MB21D2: variants seen among roughly 807,000 people sequenced by gnomAD.
The protein encoded by MB21D2 is nucleotidyltransferase MB21D2.
A neutral mutation model predicts 33.3 loss-of-function variants in MB21D2; 9 were observed. The observed-to-expected ratio is 0.27, with a 90% CI of 0.16 to 0.47. The LOEUF (loss-of-function observed/expected upper bound fraction) is 0.47. Ranked by LOEUF, MB21D2 falls within the 20% of genes least tolerant of loss-of-function variation. MB21D2 has a pLI of 0.99. For missense variants in MB21D2, 540 were observed against 624.6 expected, an observed-to-expected ratio of 0.86 and a Z score of 1.44; for synonymous variants, 241 against 236.3, an observed-to-expected ratio of 1.02 and a Z score of -0.18.
intron 1 of MB21D2, among the ~76,000 whole-genome samples, chr3:192,830,245 T>A (rs201965384): frequency 1.6e-5 from 1 of 61,260 alleles, no homozygotes; most frequent in Admixed American, 1.4e-4. Context: ...TGTGTGAGTG[T>A]GTGTGTGTGT....
intron 1 of MB21D2, among the ~76,000 whole-genome samples, chr3:192,913,067 A>G (rs943605229): frequency 1.3e-5 from 2 of 152,238 alleles, no homozygotes; most frequent in African/African-American, 4.8e-5. Context: ...TGTACTGCAT[A>G]GTTCTTTCAG....
Position 192,798,683 on chromosome 3 carries a change from G to A in MB21D2, c.1179C>T (p.Val393=). The part of the protein sequence containing the change: ...NMLEHLSEET[V]MLHARKLSSV... The stretch of plus-strand genomic sequence containing the variant: ...AGGACAGCTTCCGGGCGTGAAGCAT[G>A]ACTGTCTCCTCAGACAGATGTTCCA... The change falls in exon 2 of 2, where the codon GTC becomes GTT. Residue 393 remains valine, a synonymous_variant. Transcript: ENST00000392452. The surrounding 1 kb of genome is among the most constrained non-coding windows in gnomAD (Gnocchi z 4.8). 1 of 1,613,366 alleles carries A rather than the reference G, an allele frequency of 6.2e-7. No individual in the cohort carries two copies. The highest frequency in any genetic ancestry group is 1.1e-5 in the South Asian group (1 of 91,068).
intron 1 of MB21D2, among the ~76,000 whole-genome samples, chr3:192,902,431 C>A (rs978955242): frequency 1.3e-5 from 2 of 152,112 alleles, no homozygotes; most frequent in African/African-American, 4.8e-5. Context: ...CTATAAAGTG[C>A]GGACAGGTAA....
At chr3:192,886,878 T>C (rs1310955246) in intron 1 of MB21D2, among the ~76,000 whole-genome samples, 1 of 152,090 alleles carries the variant, frequency 6.6e-6, no homozygotes, top group Non-Finnish European at 1.5e-5. Flanking sequence ...CAGATTCCAT[T>C]CTCATCCATA....
At chr3:192,908,764 G>C (rs946218961) in intron 1 of MB21D2, among the ~76,000 whole-genome samples, 4 of 151,950 alleles carry the variant, frequency 2.6e-5, no homozygotes, top group African/African-American at 9.7e-5. Flanking sequence ...CATGAGTCAA[G>C]TGGCATTTGA....
intron 1 of MB21D2, among the ~76,000 whole-genome samples, chr3:192,914,469 G>A (rs963476781): frequency 2.0e-5 from 3 of 152,112 alleles, no homozygotes; most frequent in East Asian, 1.9e-4. Flanking sequence ...CCTCACCAGG[G>A]AATGAAGATA....
chr3:192,821,279 T>C (rs1433981689), intron 1 of MB21D2, among the ~76,000 whole-genome samples: 1 of 152,204 alleles, frequency 6.6e-6, no homozygotes, highest in African/African-American at 2.4e-5. Context: ...TGCTCAAAGT[T>C]ACATAGTCAG....
At chr3:192,905,534 G>T (rs1025917175) in intron 1 of MB21D2, among the ~76,000 whole-genome samples, 3 of 151,530 alleles carry the variant, frequency 2.0e-5, no homozygotes, top group African/African-American at 7.3e-5. Flanking sequence ...CTACTCGGGA[G>T]GCTGAGGCAG....
At chr3:192,859,492 A>T (rs1330790024) in intron 1 of MB21D2, among the ~76,000 whole-genome samples, 2 of 152,062 alleles carry the variant, frequency 1.3e-5, no homozygotes, top group Non-Finnish European at 2.9e-5. Context: ...CTCTTGGAAC[A>T]TCCTATTTAA....
At chr3:192,805,966 C>T (rs1232126100) in intron 1 of MB21D2, among the ~76,000 whole-genome samples, 3 of 152,182 alleles carry the variant, frequency 2.0e-5, no homozygotes, top group East Asian at 3.9e-4. Flanking sequence ...GCAAGGCACA[C>T]AAAACATGTT....
intron 1 of MB21D2, among the ~76,000 whole-genome samples, chr3:192,877,910 T>C (rs567936336): frequency 1.3e-5 from 2 of 151,392 alleles, no homozygotes; most frequent in East Asian, 1.9e-4. Context: ...AAGATACAAG[T>C]AGTTAAAGAT....
intron 1 of MB21D2, among the ~76,000 whole-genome samples, chr3:192,815,112 A>C (rs2108613905): frequency 6.6e-6 from 1 of 152,330 alleles, no homozygotes; most frequent in South Asian, 2.1e-4. Flanking sequence ...TTGTTTGAAT[A>C]AGTTAAAATT....
intron 1 of MB21D2, among the ~76,000 whole-genome samples, chr3:192,911,721 G>A (rs572542919): frequency 3.3e-5 from 5 of 152,284 alleles, no homozygotes; most frequent in African/African-American, 1.2e-4. Context: ...ACAGTTCTAG[G>A]CCTCTTCTCT....
At chr3:192,874,147 G>A (rs919842795) in intron 1 of MB21D2, among the ~76,000 whole-genome samples, 1 of 152,156 alleles carries the variant, frequency 6.6e-6, no homozygotes, top group African/African-American at 2.4e-5. Flanking sequence ...AGCATCCAGG[G>A]GGTCTAGCAA....
At chr3:192,802,536 G>T (rs912046425) in intron 1 of MB21D2, among the ~76,000 whole-genome samples, 1 of 151,958 alleles carries the variant, frequency 6.6e-6, no homozygotes, top group Non-Finnish European at 1.5e-5. Context: ...AACTTAATCC[G>T]GATTGAAAGT....
chr3:192,832,025 GA>G (rs928494262), intron 1 of MB21D2, among the ~76,000 whole-genome samples: 6 of 151,766 alleles, frequency 4.0e-5, no homozygotes, highest in East Asian at 3.9e-4. Flanking sequence ...CAGCTGAGAG[GA>G]AAAAAAACAG....
intron 1 of MB21D2, among the ~76,000 whole-genome samples, chr3:192,818,556 A>T (rs1711976401): frequency 6.6e-6 from 1 of 152,140 alleles, no homozygotes; most frequent in Non-Finnish European, 1.5e-5. Context: ...GTTGCCTATG[A>T]TCTTACTTCA....
At chr3:192,800,490 G>C (rs1711538289) in intron 1 of MB21D2, among the ~76,000 whole-genome samples, 1 of 152,152 alleles carries the variant, frequency 6.6e-6, no homozygotes. Flanking sequence ...TGTACTAGCA[G>C]TCAGTAGGTT....
At chr3:192,899,597 C>G (rs1327670536) in intron 1 of MB21D2, among the ~76,000 whole-genome samples, 4 of 152,274 alleles carry the variant, frequency 2.6e-5, no homozygotes, top group Middle Eastern at 3.4e-3. Flanking sequence ...GATGACTCAG[C>G]ATGGAGAAGG....
Sources: gnomAD v4.1 joint callset for allele counts (sites outside exome capture counted in the v4.1 genomes callset) on GRCh38, gnomAD v4.1.1 for gene constraint, Gnocchi (gnomAD v3.1) non-coding constraint, MANE v1.5 for transcripts, NCBI Gene and HGNC (gene_info 2026-07-23, HGNC 2026-07-21) for gene names.